The following KCNAB3 variants were observed in gnomAD, a reference collection of about 807,000 sequenced individuals.
The protein encoded by KCNAB3 is voltage-gated potassium channel subunit beta-3.
KCNAB3 carries 62 observed loss-of-function variants against 67.7 expected under a neutral mutation model. That is an observed-to-expected ratio of 0.92 (90% CI 0.75 to 1.13). The LOEUF (loss-of-function observed/expected upper bound fraction) is 1.13, where lower values mean the gene tolerates loss of function less well. KCNAB3 is among the 50% of genes most tolerant of loss of function. The pLI, the probability that KCNAB3 is intolerant of heterozygous loss-of-function variation, is 0.00. For synonymous variants in KCNAB3, 212 were observed against 205.4 expected, an observed-to-expected ratio of 1.03 and a Z score of -0.27; for missense variants, 514 against 522.9, an observed-to-expected ratio of 0.98 and a Z score of 0.17.
rs1384388285 is a variant in KCNAB3, at chr17:7,929,504, T to C, written c.-69A>G. On this transcript the variant is annotated 5_prime_UTR_variant, in exon 1 of 14. Coordinates refer to ENST00000303790, the MANE Select transcript of KCNAB3 (RefSeq NM_004732.4). The surrounding 1 kb of genome is among the most constrained non-coding windows in gnomAD (Gnocchi z 5.7). Reference sequence around the variant, plus strand: ...GGGGGGAGCAGGGAAGCCCGAGGGCTGACGACCGGGGGCGTAGTGGGGCGA... The same window carrying C: ...GGGGGGAGCAGGGAAGCCCGAGGGCCGACGACCGGGGGCGTAGTGGGGCGA... The C allele has an allele frequency of 2.0e-6, 3 of 1,512,956 alleles. No homozygotes were observed. The highest frequency in any genetic ancestry group is 2.7e-6 in the Non-Finnish European group (3 of 1,128,770). 93.7% of individuals were successfully genotyped at this position (1,512,956 alleles called of 1,614,324 possible). A position where few individuals can be genotyped will look rare whatever the true frequency, so the allele number is the denominator to read the frequency against.
Position 7,923,137 on chromosome 17 carries a change from CGTCT to C in KCNAB3, c.1176_1179del (p.Ile392MetfsTer80). ...GAATGCGGCTTGTTTCCCAGGAGCC[CGTCT>C]ATTTCCATCACTGTCTGCGGGGTCA... On this transcript the variant is annotated frameshift_variant, in exon 14 of 14. Transcript: ENST00000303790. LOFTEE classifies it high-confidence loss of function. 2 of 1,614,164 alleles carry C rather than the reference CGTCT, an allele frequency of 1.2e-6. No individual in the cohort carries two copies. Among genetic ancestry groups the C allele is most frequent in the Middle Eastern group, 1.7e-4 (1 of 6,060 alleles).
Position 7,926,220 on chromosome 17 carries a change from T to C in KCNAB3, c.405-117A>G, listed in dbSNP as rs530599553. Reference sequence around the variant, plus strand: ...ATATAAACCAGGAGTCCATTTCAGCTCACAGCCCCATCCTGGACAAAATAA... The same window carrying C: ...ATATAAACCAGGAGTCCATTTCAGCCCACAGCCCCATCCTGGACAAAATAA... On this transcript the variant is annotated intron_variant, in intron 4 of 13. Coordinates refer to ENST00000303790, the MANE Select transcript of KCNAB3 (RefSeq NM_004732.4). 23 of 1,154,684 alleles carry C rather than the reference T, an allele frequency of 2.0e-5. No homozygotes were observed. The East Asian group carries it at 5.4e-4, about 27-fold the overall frequency. The allele number at this position is 1,154,684 out of a possible 1,614,324, so 71.5% of individuals were successfully genotyped here.
intron 4 of KCNAB3, 57 bp downstream of exon 4, chr17:7,927,287 C>T (rs1972263859): frequency 5.4e-6 from 8 of 1,468,632 alleles, no homozygotes; most frequent in Non-Finnish European, 7.6e-6. Flanking sequence ...AGAAGATAAT[C>T]CCTGGGGTCC....
In KCNAB3 at chr17:7,923,048, C is replaced by CG; in HGVS notation, c.*53dup. On this transcript the variant is annotated 3_prime_UTR_variant, in exon 14 of 14. Coordinates refer to ENST00000303790, the MANE Select transcript of KCNAB3 (RefSeq NM_004732.4). ...GAGCGGGAGAGGCGGCTGCGAGGAGCGGGGCTCGGGCGGGTGCAGCGACAC... is the reference window on the plus strand; with the variant it reads ...GAGCGGGAGAGGCGGCTGCGAGGAGCGGGGGCTCGGGCGGGTGCAGCGACAC... 6.5e-7 allele frequency: 1 copy of CG among 1,544,170 alleles called. No individual in the cohort carries two copies. Among genetic ancestry groups the CG allele is most frequent in the South Asian group, 1.1e-5 (1 of 89,500 alleles).
chr17:7,924,568 C>T, intron 8 of KCNAB3, 68 bp from the exon 9 acceptor site: 2 of 1,511,244 alleles, frequency 1.3e-6, no homozygotes, highest in East Asian at 2.3e-5. Flanking sequence ...GATTTGCAGA[C>T]CTCCACCTGC....
At position 7,929,597 on chromosome 17, in the gene KCNAB3, G is replaced by A; in HGVS notation, c.-162C>T. The A allele has an allele frequency of 7.0e-7, 1 of 1,437,430 alleles. No individual in the cohort carries two copies. Among genetic ancestry groups the A allele is most frequent in the Non-Finnish European group, 9.1e-7 (1 of 1,104,318 alleles). 89.0% of individuals were successfully genotyped at this position (1,437,430 alleles called of 1,614,324 possible). On this transcript the variant is annotated 5_prime_UTR_variant, in exon 1 of 14. Transcript: ENST00000303790. The surrounding 1 kb of genome is among the most constrained non-coding windows in gnomAD (Gnocchi z 5.7). ...CGCCAGGCAGGATCGGGCCCGCGGGGGCGGGCTGCTGGAGGTCGCGAGGTT... is the reference window on the plus strand; with the variant it reads ...CGCCAGGCAGGATCGGGCCCGCGGGAGCGGGCTGCTGGAGGTCGCGAGGTT...
At chr17:7,927,189 G>C (rs1199909987) in intron 4 of KCNAB3, 155 bp downstream of exon 4, 3 of 722,192 alleles carry the variant, frequency 4.2e-6, no homozygotes, top group Non-Finnish European at 7.5e-6. Flanking sequence ...TGTTGGGACT[G>C]TAGCTCCTAC....
intron 6 of KCNAB3, 60 bp downstream of exon 6, chr17:7,925,871 A>G: frequency 1.3e-6 from 1 of 774,588 alleles, no homozygotes; most frequent in Non-Finnish European, 1.9e-6. Flanking sequence ...CCCCCACCCC[A>G]TACACCTTCA....
In KCNAB3 at chr17:7,924,031, G is replaced by A. The variant is rs755954555; in HGVS notation, c.864C>T (p.Ala288=). The change falls in exon 11 of 14, where the codon GCC becomes GCT. Residue 288 remains alanine, a synonymous_variant. Transcript: ENST00000303790. ...GVGSVTWYPL[A]CGLITSKYDG... is the part of the protein sequence containing the mutation. Reference sequence around the variant, plus strand: ...CATACTTGCTAGTAATGAGACCACAGGCTAGAGGGTACCAAGTGACTGATC... The same window carrying A: ...CATACTTGCTAGTAATGAGACCACAAGCTAGAGGGTACCAAGTGACTGATC... 1 of 1,614,042 alleles carries A rather than the reference G, an allele frequency of 6.2e-7. No individual in the cohort carries two copies. Among genetic ancestry groups the A allele is most frequent in the Non-Finnish European group, 8.5e-7 (1 of 1,180,016 alleles).
At position 7,924,514 on chromosome 17, in the gene KCNAB3, A is replaced by G; in HGVS notation, c.626-14T>C. 1 of 1,608,270 alleles carries G rather than the reference A, an allele frequency of 6.2e-7. No individual in the cohort carries two copies. The highest frequency in any genetic ancestry group is 1.1e-5 in the South Asian group (1 of 90,594). Reference sequence around the variant, plus strand: ...CTCGCACAATCTCTAGGTACACAGGAGAGGGAAAGCCTTACTGTCAGAGCC... The same window carrying G: ...CTCGCACAATCTCTAGGTACACAGGGGAGGGAAAGCCTTACTGTCAGAGCC... On this transcript the variant is annotated splice_polypyrimidine_tract_variant and intron_variant, in intron 8 of 13. Transcript: ENST00000303790.
chr17:7,924,560 T>A (rs1972163532), intron 8 of KCNAB3, 60 bp from the exon 9 acceptor site: 2 of 1,532,522 alleles, frequency 1.3e-6, no homozygotes, highest in Admixed American at 2.1e-5. Flanking sequence ...AGACTCCAGA[T>A]TTGCAGACCT....
At chr17:7,924,336 G>A in intron 9 of KCNAB3, 71 bp from the exon 10 acceptor site, 9 of 1,610,556 alleles carry the variant, frequency 5.6e-6, no homozygotes, top group Non-Finnish European at 7.6e-6. Context: ...TTCTCCCCCA[G>A]TGCAGTGGGC....
chr17:7,924,886 G>A, intron 8 of KCNAB3: 1 of 571,092 alleles, frequency 1.8e-6, no homozygotes, highest in Non-Finnish European at 3.0e-6. Flanking sequence ...GGGAGTACAA[G>A]GCACACACCA....
chr17:7,925,052 TG>T, intron 8 of KCNAB3, 44 bp downstream of exon 8: 1 of 1,558,730 alleles, frequency 6.4e-7, no homozygotes, highest in Non-Finnish European at 8.8e-7. Flanking sequence ...AGCAAGGAAG[TG>T]CTCAGTTTTG....
chr17:7,929,039 G>A lies in KCNAB3; in HGVS notation c.242+155C>T. 3.3e-6 allele frequency: 4 copies of A among 1,210,324 alleles called. No homozygotes were observed. The highest frequency in any genetic ancestry group is 4.5e-6 in the Non-Finnish European group (4 of 881,616). 75.0% of individuals were successfully genotyped at this position (1,210,324 alleles called of 1,614,324 possible). On this transcript the variant is annotated intron_variant, in intron 1 of 13. Transcript: ENST00000303790. This position sits in a 1 kb window ranked among gnomAD's most constrained non-coding sequence, Gnocchi z 5.7. ...GGGGTATCGACAGAAACCAAGAGAG[G>A]GACAAAGTGAGGGAGTGCCAGAGAC...
chr17:7,924,139 G>T lies in KCNAB3; in HGVS notation c.832+6C>A. The T allele has an allele frequency of 6.2e-7, 1 of 1,614,208 alleles. No individual in the cohort carries two copies. Among genetic ancestry groups the T allele is most frequent in the Non-Finnish European group, 8.5e-7 (1 of 1,180,038 alleles). Reference sequence around the variant, plus strand: ...TAAGGTAAAGGCAGGGATGAGGGCTGCAAACCAATCTTGTGGTAGAGCTCT... The same window carrying T: ...TAAGGTAAAGGCAGGGATGAGGGCTTCAAACCAATCTTGTGGTAGAGCTCT... On this transcript the variant is annotated splice_donor_region_variant and intron_variant, in intron 10 of 13. Coordinates refer to ENST00000303790, the MANE Select transcript of KCNAB3 (RefSeq NM_004732.4).
In KCNAB3 at chr17:7,923,708, C is replaced by T; in HGVS notation, c.1048+3G>A. 1 of 1,558,284 alleles carries T rather than the reference C, an allele frequency of 6.4e-7. No individual in the cohort carries two copies. Among genetic ancestry groups the T allele is most frequent in the Non-Finnish European group, 8.7e-7 (1 of 1,150,600 alleles). On this transcript the variant is annotated splice_donor_region_variant and intron_variant, in intron 12 of 13. Transcript: ENST00000303790. ...AGGGCCCCTGCAGGGTGCAATGTCT[C>T]ACCAATAGCAAGCTGGGCCACGGTG...
At chr17:7,927,627 C>A (rs1241542796) in intron 3 of KCNAB3, 30 bp downstream of exon 3, 2 of 1,613,518 alleles carry the variant, frequency 1.2e-6, no homozygotes, top group African/African-American at 2.7e-5. Flanking sequence ...TCACCCCCAC[C>A]ACCCTGATTC....
Position 7,929,759 on chromosome 17 carries a change from G to A in KCNAB3, c.-324C>T. 8.4e-7 allele frequency: 1 copy of A among 1,196,164 alleles called. No homozygotes were observed. Among genetic ancestry groups the A allele is most frequent in the Non-Finnish European group, 1.0e-6 (1 of 957,498 alleles). The allele number at this position is 1,196,164 out of a possible 1,614,324, so 74.1% of individuals were successfully genotyped here. A position where few individuals can be genotyped will look rare whatever the true frequency, so the allele number is the denominator to read the frequency against. ...TGAGGTAAAGGTCTCGGAGGATAAG[G>A]ACCCAGGGGGAAGCGGGGCGGGAGA... is the stretch of plus-strand genomic sequence containing the variant. On this transcript the variant is annotated 5_prime_UTR_variant, in exon 1 of 14. Transcript: ENST00000303790. This position sits in a 1 kb window ranked among gnomAD's most constrained non-coding sequence, Gnocchi z 5.7.
Sources: allele counts gnomAD v4.1 joint callset, GRCh38; gene constraint gnomAD v4.1.1; non-coding constraint Gnocchi (gnomAD v3.1); transcripts MANE v1.5; gene names NCBI Gene and HGNC (gene_info 2026-07-23, HGNC 2026-07-21).